TSNARE1: variants seen among roughly 807,000 people sequenced by gnomAD.
TSNARE1 encodes t-SNARE domain-containing protein 1.
TSNARE1 carries 49 observed loss-of-function variants against 62.0 expected under a neutral mutation model. The ratio of observed to expected loss-of-function variants is 0.79; its 90% CI spans 0.63 to 1.00. The LOEUF (loss-of-function observed/expected upper bound fraction) is 1.00, where lower values mean the gene tolerates loss of function less well. Ranked by LOEUF, TSNARE1 falls within the 50% of genes least tolerant of loss-of-function variation. The probability of loss-of-function intolerance (pLI) is 0.00; values close to 1 mark genes in which losing one functional copy is unlikely to be tolerated. For synonymous variants in TSNARE1, 328 were observed against 294.4 expected (o/e 1.11, Z -1.17); for missense variants, 755 against 700.1 (o/e 1.08, Z -0.88).
At chr8:142,227,795 C>A (rs981196049) in intron 13 of TSNARE1, among the ~76,000 whole-genome samples, 1 of 152,276 alleles carries the variant, frequency 6.6e-6, no homozygotes, top group Non-Finnish European at 1.5e-5. Context: ...CCTGGCCATG[C>A]TGGCCCTGAA....
chr8:142,400,098 G>A (rs540502205), intron 1 of TSNARE1, among the ~76,000 whole-genome samples: 1 of 152,148 alleles, frequency 6.6e-6, no homozygotes, highest in Admixed American at 6.5e-5. Flanking sequence ...ACAGTGTGTG[G>A]CTCAGGCAGG....
intron 13 of TSNARE1, among the ~76,000 whole-genome samples, chr8:142,222,960 T>TCACTCATCCACTCATC (rs1292699319): frequency 0.31 from 40,530 of 131,958 alleles, 8,162 homozygotes; most frequent in East Asian, 0.51. Flanking sequence ...ATCCACTCAC[T>TCACTCATCCACTCATC]CACTCATTCA....
At chr8:142,287,077 C>T (rs1370190734) in intron 10 of TSNARE1, among the ~76,000 whole-genome samples, 2 of 152,266 alleles carry the variant, frequency 1.3e-5, no homozygotes, top group African/African-American at 4.8e-5. Context: ...CAACCCAGGT[C>T]ACTACCACCA....
Position 142,269,548 on chromosome 8 carries a change from C to T in TSNARE1, c.1446+5233G>A, listed in dbSNP as rs902548335. On this transcript the variant is annotated intron_variant, in intron 12 of 13. Coordinates refer to ENST00000524325, the MANE Select transcript of TSNARE1 (RefSeq NM_145003.5). Reference sequence around the variant, plus strand: ...TTTGCTATGCTGTCCAGGCTGGTCTCGAACTCCTGGCCTCAAGTGATCTTC... The same window carrying T: ...TTTGCTATGCTGTCCAGGCTGGTCTTGAACTCCTGGCCTCAAGTGATCTTC... The T allele has an allele frequency of 3.4e-5, 33 of 983,362 alleles. No individual in the cohort carries two copies. In the African/African-American group the frequency reaches 4.5e-4, roughly 14 times the overall value. 60.9% of individuals were successfully genotyped at this position (983,362 alleles called of 1,614,324 possible). A position where few individuals can be genotyped will look rare whatever the true frequency, so the allele number is the denominator to read the frequency against.
intron 1 of TSNARE1, among the ~76,000 whole-genome samples, chr8:142,396,643 C>G (rs1046191514): frequency 6.6e-6 from 1 of 152,190 alleles, no homozygotes; most frequent in African/African-American, 2.4e-5. Flanking sequence ...CCAGGTGGGC[C>G]GGGCAGCAGA....
intron 13 of TSNARE1, among the ~76,000 whole-genome samples, chr8:142,219,156 G>T (rs1039254720): frequency 6.6e-6 from 1 of 152,122 alleles, no homozygotes; most frequent in Non-Finnish European, 1.5e-5. Context: ...CCCTGGGGTG[G>T]GGCCAGAATC....
At chr8:142,213,888 C>T (rs1245906774) in intron 13 of TSNARE1, among the ~76,000 whole-genome samples, 1 of 152,130 alleles carries the variant, frequency 6.6e-6, no homozygotes, top group Non-Finnish European at 1.5e-5. Context: ...GCCCAGCCCC[C>T]CAGGAAGCCC....
At chr8:142,234,974 C>T (rs780425794) in intron 12 of TSNARE1, among the ~76,000 whole-genome samples, 2 of 152,018 alleles carry the variant, frequency 1.3e-5, no homozygotes, top group Non-Finnish European at 2.9e-5. Flanking sequence ...ACTAGGGACC[C>T]CAGATGGCTG....
intron 12 of TSNARE1, chr8:142,274,298 G>T (rs1383629723): frequency 2.0e-6 from 2 of 985,290 alleles, no homozygotes; most frequent in East Asian, 1.1e-4. Context: ...CAGCAACAAG[G>T]CCCAGTGAGT....
At chr8:142,342,592 G>C (rs115052558) in intron 4 of TSNARE1, among the ~76,000 whole-genome samples, 2 of 152,174 alleles carry the variant, frequency 1.3e-5, no homozygotes, top group African/African-American at 4.8e-5. Context: ...CCAGGCTGCC[G>C]CCCTCCTCTT....
chr8:142,315,835 G>A (rs530110309), intron 7 of TSNARE1, among the ~76,000 whole-genome samples: 3 of 152,344 alleles, frequency 2.0e-5, no homozygotes, highest in Admixed American at 2.0e-4. Context: ...GACAGCCGAG[G>A]GGCACTGGGA....
intron 10 of TSNARE1, among the ~76,000 whole-genome samples, chr8:142,293,177 C>T (rs544811554): frequency 1.3e-5 from 2 of 152,318 alleles, no homozygotes; most frequent in South Asian, 2.1e-4. Flanking sequence ...TCAGTGGCAC[C>T]GACACCCCAG....
chr8:142,281,957 C>T (rs1339281738), intron 11 of TSNARE1, among the ~76,000 whole-genome samples: 1 of 152,214 alleles, frequency 6.6e-6, no homozygotes, highest in African/African-American at 2.4e-5. Context: ...CCTGGGGACT[C>T]AGAGGCAAGG....
In TSNARE1 at chr8:142,319,532, C is replaced by T. The variant is rs1385276878; in HGVS notation, c.894-898G>A. Among the ~76,000 whole-genome samples the T allele has an allele frequency of 6.6e-6, 1 of 152,234 alleles. No individual in the cohort carries two copies. The highest frequency in any genetic ancestry group is 1.5e-5 in the Non-Finnish European group (1 of 67,992). On this transcript the variant is annotated intron_variant, in intron 6 of 13. Transcript: ENST00000524325. The surrounding 1 kb of genome is among the most constrained non-coding windows in gnomAD (Gnocchi z 4.9). ...GGGCAACGGTACCCCAGCCCGGCTG[C>T]AGGCACACACACCAAGTGCAGGGAG...
intron 9 of TSNARE1, among the ~76,000 whole-genome samples, chr8:142,309,197 C>T (rs1827186992): frequency 6.6e-6 from 1 of 152,150 alleles, no homozygotes; most frequent in Non-Finnish European, 1.5e-5. Context: ...TCGGATTTTC[C>T]ATGGACATAA....
intron 3 of TSNARE1, among the ~76,000 whole-genome samples, chr8:142,345,414 C>A (rs913774463): frequency 2.0e-5 from 3 of 152,228 alleles, no homozygotes; most frequent in Non-Finnish European, 4.4e-5. Flanking sequence ...CTCACCGGCC[C>A]ACTGCACAAG....
At chr8:142,277,210 C>G (rs893289719) in intron 11 of TSNARE1, 87 of 985,252 alleles carry the variant, frequency 8.8e-5, no homozygotes, top group Non-Finnish European at 1.0e-4. Flanking sequence ...TCCACGGGGG[C>G]CCCTTGCACA....
Position 142,226,661 on chromosome 8 carries a change from G to A in TSNARE1, c.*11+2812C>T, listed in dbSNP as rs370025337. 5.6e-4 allele frequency among the ~76,000 whole-genome samples: 85 copies of A among 151,350 alleles called. No individual in the cohort carries two copies. In the South Asian group the frequency reaches 0.011, roughly 20 times the overall value. Reference sequence around the variant, plus strand: ...TGGAGTCCTGGGGGGCTGGAGGAATGGGGTCACTGCCCCAAGCCCAGGCTT... The same window carrying A: ...TGGAGTCCTGGGGGGCTGGAGGAATAGGGTCACTGCCCCAAGCCCAGGCTT... On this transcript the variant is annotated intron_variant, in intron 13 of 13. Coordinates refer to ENST00000524325, the MANE Select transcript of TSNARE1 (RefSeq NM_145003.5).
chr8:142,352,874 C>T (rs1393149561), intron 2 of TSNARE1, among the ~76,000 whole-genome samples: 2 of 152,184 alleles, frequency 1.3e-5, no homozygotes, highest in Admixed American at 1.3e-4. Flanking sequence ...ACCTCCGAAC[C>T]GTTAGATCTG....
Sources: allele counts gnomAD v4.1 joint callset (sites outside exome capture counted in the v4.1 genomes callset), GRCh38; gene constraint gnomAD v4.1.1; non-coding constraint Gnocchi (gnomAD v3.1); transcripts MANE v1.5; gene names NCBI Gene and HGNC (gene_info 2026-07-23, HGNC 2026-07-21).